FTO: variants seen among roughly 807,000 people sequenced by gnomAD.
The protein encoded by FTO is alpha-ketoglutarate-dependent dioxygenase FTO.
FTO carries 47 observed loss-of-function variants against 63.9 expected under a neutral mutation model. That is an observed-to-expected ratio of 0.74 (90% confidence interval 0.58 to 0.94). The LOEUF is 0.94. Ranked by LOEUF, FTO falls within the 40% of genes least tolerant of loss-of-function variation. The pLI, the probability that FTO is intolerant of heterozygous loss-of-function variation, is 0.00. For missense variants in FTO, 562 were observed against 618.1 expected, an observed-to-expected ratio of 0.91 and a Z score of 0.96; for synonymous variants, 207 against 224.4, an observed-to-expected ratio of 0.92 and a Z score of 0.69.
intron 7 of FTO, among the ~76,000 whole-genome samples, chr16:53,912,430 C>G (rs1236743950): frequency 6.6e-6 from 1 of 152,182 alleles, no homozygotes; most frequent in Non-Finnish European, 1.5e-5. Context: ...CCATTAGCAT[C>G]ATTATGAATA....
chr16:53,837,258 A>G (rs189422410), intron 3 of FTO, among the ~76,000 whole-genome samples: 5 of 152,322 alleles, frequency 3.3e-5, no homozygotes, highest in African/African-American at 1.2e-4. Context: ...CTCCTCTGTA[A>G]TGTAAATATT....
rs140765996 is a variant in FTO, at chr16:53,968,260, A to G, written c.1364+34151A>G. On this transcript the variant is annotated intron_variant, in intron 8 of 8. Transcript: ENST00000471389. ...ATTGGCAAGCCCCTTTCCTCCCCAT[A>G]TCAATGTGTTGCAAAACATCACAGT... Among the ~76,000 whole-genome samples the G allele has an allele frequency of 1.6e-3, 238 of 152,270 alleles. 3 individuals carry two copies. Among genetic ancestry groups the G allele is most frequent in the East Asian group, 0.011 (58 of 5,174 alleles).
At chr16:53,807,377 C>T (rs1261833370) in intron 1 of FTO, among the ~76,000 whole-genome samples, 1 of 152,150 alleles carries the variant, frequency 6.6e-6, no homozygotes, top group Non-Finnish European at 1.5e-5. Context: ...TTATAAGTTA[C>T]AATGTTTTAT....
rs1372227988 is a variant in FTO, at chr16:53,826,538, C to G, written c.751+47C>G. ...AGCAGCCCTGTATGTAATAATATGA[C>G]CCGAGTTGTTTAGGCTCTGGAGATA... On this transcript the variant is annotated intron_variant, in intron 3 of 8. Coordinates refer to ENST00000471389, the MANE Select transcript of FTO (RefSeq NM_001080432.3). 4 of 1,593,178 alleles carry G rather than the reference C, an allele frequency of 2.5e-6. No homozygotes were observed. The Admixed American group carries it at 5.0e-5, about 20-fold the overall frequency.
intron 3 of FTO, among the ~76,000 whole-genome samples, chr16:53,837,224 C>T (rs372198372): frequency 2.1e-4 from 32 of 152,254 alleles, no homozygotes; most frequent in African/African-American, 6.7e-4. Flanking sequence ...CTCCCAAGTC[C>T]GTGAAACATG....
chr16:53,751,179 C>T (rs968718701), intron 1 of FTO, among the ~76,000 whole-genome samples: 7 of 131,916 alleles, frequency 5.3e-5, no homozygotes, highest in Admixed American at 7.1e-5. Context: ...GAGGCCAAGG[C>T]GAGAGATCAC....
At chr16:53,778,270 C>T (rs1455274773) in intron 1 of FTO, among the ~76,000 whole-genome samples, 2 of 152,138 alleles carry the variant, frequency 1.3e-5, no homozygotes, top group Non-Finnish European at 2.9e-5. Flanking sequence ...TAAATGCTTT[C>T]ACCACAAAGT....
At chr16:53,944,632 G>A (rs2082614723) in intron 8 of FTO, among the ~76,000 whole-genome samples, 1 of 152,146 alleles carries the variant, frequency 6.6e-6, no homozygotes, top group South Asian at 2.1e-4. Context: ...AGTTACAATT[G>A]TGGATTGTAA....
At chr16:53,850,382 C>T (rs1228182641) in intron 4 of FTO, among the ~76,000 whole-genome samples, 1 of 151,518 alleles carries the variant, frequency 6.6e-6, no homozygotes, top group East Asian at 1.9e-4. Context: ...CCTCCTGAAA[C>T]TTTCACTCTA....
At chr16:54,097,004 C>A (rs1189674226) in intron 8 of FTO, among the ~76,000 whole-genome samples, 2 of 152,232 alleles carry the variant, frequency 1.3e-5, no homozygotes, top group Non-Finnish European at 2.9e-5. Context: ...GGCCTTGGCA[C>A]TAGCTGTGGC....
intron 8 of FTO, chr16:53,998,520 A>T (rs1051640905): frequency 3.3e-5 from 5 of 152,194 alleles, no homozygotes; most frequent in Non-Finnish European, 7.3e-5. Context: ...AGAAAACCCA[A>T]CTTAAATTGA....
At chr16:54,086,993 G>A (rs892777586) in intron 8 of FTO, among the ~76,000 whole-genome samples, 2 of 152,124 alleles carry the variant, frequency 1.3e-5, no homozygotes, top group Non-Finnish European at 2.9e-5. Context: ...GACTTGCTTG[G>A]GCCTCTTGTG....
chr16:54,107,992 C>T lies in FTO; in HGVS notation c.1365-3770C>T, dbSNP rs552326172. Among the ~76,000 whole-genome samples, 129 of 152,268 alleles carry T rather than the reference C, an allele frequency of 8.5e-4. 1 individual carries two copies. Among genetic ancestry groups the T allele is most frequent in the African/African-American group, 2.0e-3 (83 of 41,548 alleles). On this transcript the variant is annotated intron_variant, in intron 8 of 8. Transcript: ENST00000471389. ...TGGCTAGGACAGCGTGATGTACTGA[C>T]GTAGCTTAAGCCAATCAAGGCTCTC...
chr16:54,097,673 A>C (rs1377712650), intron 8 of FTO, among the ~76,000 whole-genome samples: 2 of 152,242 alleles, frequency 1.3e-5, no homozygotes, highest in Non-Finnish European at 2.9e-5. Context: ...CTTTGAGGAT[A>C]TAGCAGTGAG....
At chr16:54,072,836 G>T (rs577286149) in intron 8 of FTO, among the ~76,000 whole-genome samples, 1 of 152,296 alleles carries the variant, frequency 6.6e-6, no homozygotes, top group South Asian at 2.1e-4. Context: ...AGAAAGAAGG[G>T]CTGGCCCTTG....
At chr16:53,776,451 C>T (rs994874844) in intron 1 of FTO, among the ~76,000 whole-genome samples, 10 of 152,116 alleles carry the variant, frequency 6.6e-5, no homozygotes, top group Non-Finnish European at 1.5e-4. Context: ...TATGTGTTTG[C>T]TTTAGGCCAG....
At chr16:54,081,428 T>C (rs2086138190) in intron 8 of FTO, among the ~76,000 whole-genome samples, 1 of 152,184 alleles carries the variant, frequency 6.6e-6, no homozygotes, top group Non-Finnish European at 1.5e-5. Context: ...CTCACAGATA[T>C]GAAATCCAGC....
chr16:53,809,662 C>G (rs1207705402), intron 1 of FTO, among the ~76,000 whole-genome samples: 2 of 152,160 alleles, frequency 1.3e-5, no homozygotes, highest in Admixed American at 6.5e-5. Context: ...ATGTAATTGA[C>G]TGGGTGCCAT....
intron 7 of FTO, among the ~76,000 whole-genome samples, chr16:53,907,377 C>T (rs1452172702): frequency 6.6e-6 from 1 of 152,106 alleles, no homozygotes; most frequent in Non-Finnish European, 1.5e-5. Flanking sequence ...CTGTAGAGTA[C>T]AGTATTGGTG....
Sources: gnomAD v4.1 joint callset for allele counts (sites outside exome capture counted in the v4.1 genomes callset) on GRCh38, gnomAD v4.1.1 for gene constraint, MANE v1.5 for transcripts, NCBI Gene and HGNC (gene_info 2026-07-23, HGNC 2026-07-21) for gene names.